The following DCC variants were observed in gnomAD, a reference collection of about 807,000 sequenced individuals.
The protein encoded by DCC is DCC netrin 1 receptor, also known as netrin receptor DCC.
DCC carries 58 observed loss-of-function variants against 172.5 expected under a neutral mutation model. The observed-to-expected ratio is 0.34, with a 90% CI of 0.27 to 0.42. DCC has a LOEUF of 0.42. Ranked by LOEUF, DCC falls within the 10% of genes least tolerant of loss-of-function variation. The pLI, the probability that DCC is intolerant of heterozygous loss-of-function variation, is 1.00. For synonymous variants in DCC, 709 were observed against 644.5 expected (o/e 1.10, Z -1.52); for missense variants, 1,740 against 1,791.0 (o/e 0.97, Z 0.51).
chr18:52,913,169 G>A (rs878928910), intron 3 of DCC, among the ~76,000 whole-genome samples: 2 of 152,058 alleles, frequency 1.3e-5, no homozygotes, highest in Admixed American at 6.6e-5. Flanking sequence ...TCCTATTGTA[G>A]TGGAATTAGT....
chr18:53,506,451 G>C (rs2046176584), intron 27 of DCC, among the ~76,000 whole-genome samples: 5 of 152,116 alleles, frequency 3.3e-5, no homozygotes, highest in Admixed American at 3.3e-4. Flanking sequence ...AAATTGCATA[G>C]AGTGGAAAAG....
At chr18:52,747,771 A>G (rs1266946848) in intron 1 of DCC, among the ~76,000 whole-genome samples, 1 of 152,208 alleles carries the variant, frequency 6.6e-6, no homozygotes, top group Non-Finnish European at 1.5e-5. Context: ...ATCTCTCCAA[A>G]TGGAACCAGT....
At chr18:53,454,853 T>G (rs1342943865) in intron 23 of DCC, among the ~76,000 whole-genome samples, 1 of 152,214 alleles carries the variant, frequency 6.6e-6, no homozygotes, top group Non-Finnish European at 1.5e-5. Context: ...TCATAAGAGA[T>G]TTGAACTATC....
At chr18:52,487,023 T>G (rs73955701) in intron 1 of DCC, among the ~76,000 whole-genome samples, 8,835 of 152,206 alleles carry the variant, frequency 0.058, 324 homozygotes, top group South Asian at 0.12. Flanking sequence ...TAAAATGTTT[T>G]TACCCACAGC....
chr18:53,350,109 C>G (rs991418379), intron 15 of DCC, among the ~76,000 whole-genome samples: 1 of 152,118 alleles, frequency 6.6e-6, no homozygotes, highest in Non-Finnish European at 1.5e-5. Flanking sequence ...TATACAGACA[C>G]AGCCATTGTT....
intron 12 of DCC, among the ~76,000 whole-genome samples, chr18:53,278,223 AT>A (rs1348768156): frequency 1.3e-5 from 2 of 152,140 alleles, no homozygotes; most frequent in East Asian, 1.9e-4. Flanking sequence ...CATATTGGGA[AT>A]TATATGAGTC....
chr18:52,379,496 C>G (rs1340029943), intron 1 of DCC, among the ~76,000 whole-genome samples: 2 of 152,220 alleles, frequency 1.3e-5, no homozygotes, highest in African/African-American at 2.4e-5. Flanking sequence ...CTCCTCTCCA[C>G]TGCCATGCTT....
intron 2 of DCC, among the ~76,000 whole-genome samples, chr18:52,880,266 A>G (rs772296404): frequency 3.3e-5 from 5 of 152,098 alleles, no homozygotes; most frequent in Middle Eastern, 3.4e-3. Flanking sequence ...CCTCTGGAGT[A>G]ACTGGAATTA....
chr18:53,529,736 G>A (rs1460705572), intron 28 of DCC, among the ~76,000 whole-genome samples: 2 of 152,130 alleles, frequency 1.3e-5, no homozygotes, highest in Non-Finnish European at 2.9e-5. Flanking sequence ...AGGATGTCTA[G>A]GTTCTTCCCA....
At chr18:52,838,544 G>C (rs1456582163) in intron 2 of DCC, among the ~76,000 whole-genome samples, 1 of 152,058 alleles carries the variant, frequency 6.6e-6, no homozygotes, top group Non-Finnish European at 1.5e-5. Context: ...AATTTTTATG[G>C]TAAGAAATCG....
At chr18:52,964,188 G>C (rs569933093) in intron 5 of DCC, among the ~76,000 whole-genome samples, 387 of 152,218 alleles carry the variant, frequency 2.5e-3, no homozygotes, top group African/African-American at 9.1e-3. Flanking sequence ...AGGAGACTTG[G>C]AAAGAAGACA....
intron 15 of DCC, among the ~76,000 whole-genome samples, chr18:53,358,757 T>G (rs2057910476): frequency 6.6e-6 from 1 of 152,022 alleles, no homozygotes; most frequent in East Asian, 1.9e-4. Flanking sequence ...CCTGACCTCG[T>G]GATCTGCCCA....
intron 15 of DCC, among the ~76,000 whole-genome samples, chr18:53,360,727 C>G (rs1384992477): frequency 6.6e-6 from 1 of 152,082 alleles, no homozygotes; most frequent in East Asian, 1.9e-4. Flanking sequence ...TTCATTAGGA[C>G]AGGTTAAATC....
At chr18:53,231,479 C>T (rs1168956425) in intron 12 of DCC, among the ~76,000 whole-genome samples, 1 of 152,120 alleles carries the variant, frequency 6.6e-6, no homozygotes, top group Non-Finnish European at 1.5e-5. Context: ...GCAGCACATA[C>T]TAGCTTCACC....
chr18:52,604,344 A>G (rs558817541), intron 1 of DCC, among the ~76,000 whole-genome samples: 1 of 152,124 alleles, frequency 6.6e-6, no homozygotes, highest in Non-Finnish European at 1.5e-5. Context: ...GCTTCTATGT[A>G]TATCAGTTAT....
intron 2 of DCC, among the ~76,000 whole-genome samples, chr18:52,804,407 C>T (rs2038049026): frequency 6.6e-6 from 1 of 152,164 alleles, no homozygotes; most frequent in African/African-American, 2.4e-5. Context: ...TTAAATAAAA[C>T]TTCAACTTAT....
intron 1 of DCC, among the ~76,000 whole-genome samples, chr18:52,641,266 A>T (rs2034886142): frequency 6.6e-6 from 1 of 152,230 alleles, no homozygotes; most frequent in African/African-American, 2.4e-5. Context: ...AAATTCTATA[A>T]GACAACATTG....
chr18:52,438,175 T>C (rs1235005704), intron 1 of DCC, among the ~76,000 whole-genome samples: 1 of 152,188 alleles, frequency 6.6e-6, no homozygotes, highest in East Asian at 1.9e-4. Context: ...CCATTCAATA[T>C]ACACACACAA....
chr18:52,342,111 T>C (rs928357380), intron 1 of DCC, among the ~76,000 whole-genome samples: 5 of 152,122 alleles, frequency 3.3e-5, no homozygotes, highest in African/African-American at 1.2e-4. Flanking sequence ...AAAATGCGCC[T>C]CTCACTGTCG....
Sources: gnomAD v4.1 joint callset for allele counts (sites outside exome capture counted in the v4.1 genomes callset) on GRCh38, gnomAD v4.1.1 for gene constraint, MANE v1.5 for transcripts, NCBI Gene and HGNC (gene_info 2026-07-23, HGNC 2026-07-21) for gene names.